The following GRAMD1B variants were observed in gnomAD, a reference collection of about 807,000 sequenced individuals.
The protein encoded by GRAMD1B is protein Aster-B.
In GRAMD1B, 37 loss-of-function variants were observed where a neutral mutation model predicts 99.7. The observed-to-expected ratio is 0.37, with a 90% CI of 0.29 to 0.49. The LOEUF (loss-of-function observed/expected upper bound fraction) is 0.49, where lower values mean the gene tolerates loss of function less well. GRAMD1B is among the 20% of genes least tolerant of loss of function. The probability of loss-of-function intolerance (pLI) is 0.98; values close to 1 mark genes in which losing one functional copy is unlikely to be tolerated. For synonymous variants in GRAMD1B, 427 were observed against 387.6 expected (o/e 1.10, Z -1.19); for missense variants, 888 against 1,009.2 (o/e 0.88, Z 1.63).
intron 1 of GRAMD1B, among the ~76,000 whole-genome samples, chr11:123,423,094 T>A (rs1412101698): frequency 1.3e-5 from 2 of 152,162 alleles, no homozygotes; most frequent in Admixed American, 1.3e-4. Context: ...CTGGGAAGAT[T>A]AAATACTTTT....
chr11:123,451,950 C>T (rs1026534414), intron 1 of GRAMD1B, among the ~76,000 whole-genome samples: 4 of 152,120 alleles, frequency 2.6e-5, no homozygotes, highest in Non-Finnish European at 5.9e-5. Flanking sequence ...CCTTTTGTCT[C>T]AACCTCCTGA....
At chr11:123,578,526 G>C in intron 3 of GRAMD1B, 1 of 873,808 alleles carries the variant, frequency 1.1e-6, no homozygotes, top group Non-Finnish European at 1.8e-6. Flanking sequence ...GCCGATTCTG[G>C]CCCTTATATC....
intron 2 of GRAMD1B, among the ~76,000 whole-genome samples, chr11:123,541,988 A>G (rs1944582955): frequency 2.0e-5 from 3 of 152,238 alleles, no homozygotes; most frequent in Admixed American, 2.0e-4. Flanking sequence ...ATCAGGTGCC[A>G]GGTAGATGAG....
At chr11:123,613,416 T>C (rs868168298) in intron 15 of GRAMD1B, 39 bp from the exon 16 acceptor site, 2 of 1,427,398 alleles carry the variant, frequency 1.4e-6, no homozygotes, top group African/African-American at 1.4e-5. Context: ...ATTGGAGGGC[T>C]GAAGGTGGCC....
chr11:123,484,721 A>G (rs1951792384), intron 2 of GRAMD1B, among the ~76,000 whole-genome samples: 2 of 152,190 alleles, frequency 1.3e-5, no homozygotes, highest in African/African-American at 4.8e-5. Context: ...TTCACTCACC[A>G]TAGCCCTTCC....
At chr11:123,409,671 A>G (rs1437728943) in intron 1 of GRAMD1B, among the ~76,000 whole-genome samples, 1 of 152,192 alleles carries the variant, frequency 6.6e-6, no homozygotes, top group Non-Finnish European at 1.5e-5. Context: ...GACATGCTTG[A>G]AACTCTGCGA....
In GRAMD1B at chr11:123,431,042, C is replaced by T; in HGVS notation, c.250C>T (p.Pro84Ser). The stretch of plus-strand genomic sequence containing the variant: ...GCAGCTGCCGTCCATCGAGATCACG[C>T]CCTCCAGCGACGAGGACACCCCGTG... The part of the protein sequence containing the change: ...FLQLPSIEIT[P>S]SSDEDTPWSN... Residue 84 changes from proline (P) to serine (S), a missense_variant, in exon 1 of 20, where the codon CCC becomes TCC. Pro to Ser is a moderately conservative substitution (Grantham distance 74). Transcript: ENST00000635736. The T allele has an allele frequency of 1.4e-6, 1 of 703,062 alleles. No homozygotes were observed. Among genetic ancestry groups the T allele is most frequent in the South Asian group, 1.5e-5 (1 of 67,608 alleles). The allele number at this position is 703,062 out of a possible 1,614,324, so 43.6% of individuals were successfully genotyped here. A position where few individuals can be genotyped will look rare whatever the true frequency, so the allele number is the denominator to read the frequency against.
Position 123,370,036 on chromosome 11 carries a change from C to T in GRAMD1B, c.-176+11237C>T, listed in dbSNP as rs774195708. On this transcript the variant is annotated intron_variant, in intron 1 of 20. Transcript: ENST00000638157. ...TCACTTCAAGAGATAACTTCTTGGC[C>T]GGGCATGATGGCTCATGCCTGTGAT... Among the ~76,000 whole-genome samples, 7 of 152,098 alleles carry T rather than the reference C, an allele frequency of 4.6e-5. No individual in the cohort carries two copies. In the South Asian group the frequency reaches 6.2e-4, roughly 14 times the overall value.
intron 2 of GRAMD1B, chr11:123,491,949 C>G: frequency 2.5e-6 from 1 of 399,310 alleles, no homozygotes; most frequent in East Asian, 3.6e-5. Flanking sequence ...GCTGGCCTTT[C>G]TGCGAGCCAA....
At chr11:123,508,400 G>A (rs756694004) in intron 2 of GRAMD1B, among the ~76,000 whole-genome samples, 5 of 152,116 alleles carry the variant, frequency 3.3e-5, no homozygotes, top group African/African-American at 7.2e-5. Context: ...CCTGTTAAAG[G>A]TTCCACCTCT....
At chr11:123,499,775 CA>C (rs879482294) in intron 2 of GRAMD1B, among the ~76,000 whole-genome samples, 15 of 152,300 alleles carry the variant, frequency 9.8e-5, no homozygotes, top group Admixed American at 2.0e-4. Flanking sequence ...CTTCCCCACA[CA>C]AAAGCTCTCT....
chr11:123,407,267 A>AT (rs1227483522), intron 1 of GRAMD1B, among the ~76,000 whole-genome samples: 8 of 15,220 alleles, frequency 5.3e-4, no homozygotes, highest in African/African-American at 1.5e-3. Flanking sequence ...ACTTCCTTTG[A>AT]ATTTTTTTTT....
At chr11:123,408,907 C>T (rs1017366156) in intron 1 of GRAMD1B, among the ~76,000 whole-genome samples, 9 of 150,082 alleles carry the variant, frequency 6.0e-5, no homozygotes, top group East Asian at 1.9e-4. Flanking sequence ...GCTGCTTCTA[C>T]CCTCCAGATA....
At position 123,594,818 on chromosome 11, in the gene GRAMD1B, A is replaced by ATCCCCTC; in HGVS notation, c.855_856insCCCTCTC (p.Phe286ProfsTer21). On this transcript the variant is annotated frameshift_variant, in exon 6 of 20. Transcript: ENST00000635736. LOFTEE classifies it high-confidence loss of function. ...AAATTGGATCTGCTTCTACAGCAACATCTTCCGCTGGGAAACTCTGGTAAA... is the reference window on the plus strand; with the variant it reads ...AAATTGGATCTGCTTCTACAGCAACATCCCCTCTCTTCCGCTGGGAAACTCTGGTAAA... 1.9e-6 allele frequency: 3 copies of ATCCCCTC among 1,594,888 alleles called. No homozygotes were observed. The highest frequency in any genetic ancestry group is 2.6e-6 in the Non-Finnish European group (3 of 1,162,506).
intron 7 of GRAMD1B, chr11:123,597,882 A>T: frequency 1.2e-6 from 1 of 813,794 alleles, no homozygotes; most frequent in Admixed American, 1.7e-5. Flanking sequence ...TGGGAGAAAT[A>T]GAACAAGCAG....
At chr11:123,387,274 A>G (rs1947096835) in intron 1 of GRAMD1B, among the ~76,000 whole-genome samples, 1 of 152,132 alleles carries the variant, frequency 6.6e-6, no homozygotes, top group Admixed American at 6.5e-5. Context: ...GATTTTTCAG[A>G]CAAGGACTAA....
At chr11:123,469,698 TTCTC>T (rs1176719399) in intron 1 of GRAMD1B, among the ~76,000 whole-genome samples, 30 of 151,970 alleles carry the variant, frequency 2.0e-4, no homozygotes, top group Admixed American at 1.8e-3. Context: ...TCCTTTCCCT[TTCTC>T]TTTCTTTTCT....
intron 1 of GRAMD1B, among the ~76,000 whole-genome samples, chr11:123,381,269 A>C (rs1185401551): frequency 6.6e-6 from 1 of 152,218 alleles, no homozygotes; most frequent in Non-Finnish European, 1.5e-5. Context: ...CTCTAGGAAG[A>C]GGCTGCTGCT....
rs532948783 is a variant in GRAMD1B, at chr11:123,386,347, G to A, written c.-176+27548G>A. On this transcript the variant is annotated intron_variant, in intron 1 of 20. Transcript: ENST00000638157. Reference sequence around the variant, plus strand: ...AGAATCCAGGAAGACCTCCTCAAGGGGTGTCCTTCTCTTTCTGCTTTTGAG... The same window carrying A: ...AGAATCCAGGAAGACCTCCTCAAGGAGTGTCCTTCTCTTTCTGCTTTTGAG... 1.2e-4 allele frequency among the ~76,000 whole-genome samples: 18 copies of A among 152,090 alleles called. No individual in the cohort carries two copies. In the South Asian group the frequency reaches 3.5e-3, roughly 30 times the overall value.
Sources: gnomAD v4.1 joint callset for allele counts (sites outside exome capture counted in the v4.1 genomes callset) on GRCh38, gnomAD v4.1.1 for gene constraint, MANE v1.5 for transcripts, NCBI Gene and HGNC (gene_info 2026-07-23, HGNC 2026-07-21) for gene names.